FNIP1: variants seen among roughly 807,000 people sequenced by gnomAD.
FNIP1 encodes folliculin interacting protein 1, also known as folliculin-interacting protein 1.
In FNIP1, 40 loss-of-function variants were observed where a neutral mutation model predicts 124.5. That is an observed-to-expected ratio of 0.32 (90% confidence interval 0.25 to 0.42). The LOEUF (loss-of-function observed/expected upper bound fraction) is 0.42, where lower values mean the gene tolerates loss of function less well. Among genes scored for constraint, FNIP1 ranks in the 10% least tolerant of loss-of-function variants. FNIP1 has a pLI of 1.00. For synonymous variants in FNIP1, 472 were observed against 470.6 expected, an observed-to-expected ratio of 1.00 and a Z score of -0.04; for missense variants, 1,176 against 1,403.7, an observed-to-expected ratio of 0.84 and a Z score of 2.59.
intron 1 of FNIP1, among the ~76,000 whole-genome samples, chr5:131,769,000 G>T (rs188508333): frequency 2.6e-3 from 401 of 152,032 alleles, no homozygotes; most frequent in African/African-American, 8.9e-3. Context: ...AAAATAACTG[G>T]ATTATGATCA....
chr5:131,790,559 C>A (rs1280658026), intron 1 of FNIP1, among the ~76,000 whole-genome samples: 1 of 150,246 alleles, frequency 6.7e-6, no homozygotes, highest in Non-Finnish European at 1.5e-5. Context: ...CATACACAAC[C>A]CCTTACGTGA....
intron 1 of FNIP1, among the ~76,000 whole-genome samples, chr5:131,747,607 T>C (rs1301512610): frequency 2.6e-5 from 4 of 152,104 alleles, no homozygotes; most frequent in African/African-American, 9.7e-5. Flanking sequence ...GAAAAAGAAC[T>C]ACCACGGGAG....
chr5:131,734,342 C>T (rs564925713), intron 2 of FNIP1, among the ~76,000 whole-genome samples: 2 of 152,094 alleles, frequency 1.3e-5, no homozygotes, highest in East Asian at 3.8e-4. Flanking sequence ...CTGCTCTGAT[C>T]TTAGTTATTT....
chr5:131,695,742 C>T (rs1768671122), intron 11 of FNIP1, among the ~76,000 whole-genome samples: 1 of 152,168 alleles, frequency 6.6e-6, no homozygotes, highest in Admixed American at 6.5e-5. Flanking sequence ...GCCTGGCCTA[C>T]AGGCCTAAAG....
At chr5:131,756,024 G>T (rs1231447464) in intron 1 of FNIP1, among the ~76,000 whole-genome samples, 1 of 151,258 alleles carries the variant, frequency 6.6e-6, no homozygotes, top group Admixed American at 6.6e-5. Flanking sequence ...AAAAAAAAAA[G>T]GTTAATGAAG....
intron 11 of FNIP1, among the ~76,000 whole-genome samples, chr5:131,697,673 T>C (rs771860567): frequency 1.3e-5 from 2 of 151,848 alleles, no homozygotes; most frequent in Non-Finnish European, 2.9e-5. Flanking sequence ...CTGTAGGTTA[T>C]GTTTACCATA....
intron 15 of FNIP1, among the ~76,000 whole-genome samples, chr5:131,661,494 C>T (rs1372396759): frequency 6.6e-6 from 1 of 152,052 alleles, no homozygotes; most frequent in Non-Finnish European, 1.5e-5. Context: ...AAGATTGAGC[C>T]TTGATAAGTC....
At chr5:131,675,821 T>G (rs2149516571) in intron 13 of FNIP1, among the ~76,000 whole-genome samples, 1 of 152,230 alleles carries the variant, frequency 6.6e-6, no homozygotes. Flanking sequence ...CCATTTTGAT[T>G]GTGGTGATGG....
chr5:131,756,078 A>G (rs1228545631), intron 1 of FNIP1, among the ~76,000 whole-genome samples: 1 of 152,112 alleles, frequency 6.6e-6, no homozygotes, highest in Non-Finnish European at 1.5e-5. Context: ...TTGCAGAAAG[A>G]CCAAAATTTA....
At chr5:131,707,255 G>C (rs1561666141) in intron 8 of FNIP1, among the ~76,000 whole-genome samples, 1 of 152,180 alleles carries the variant, frequency 6.6e-6, no homozygotes, top group Non-Finnish European at 1.5e-5. Flanking sequence ...CATTAGGCTA[G>C]GAGATTTTCA....
rs1767752530 is a variant in FNIP1 at position 131,671,609 on chromosome 5, A to G, written c.2835T>C (p.Asp945=). The G allele has an allele frequency of 1.2e-6, 2 of 1,613,988 alleles. No homozygotes were observed. ...CATGACCTGTATCTTCACTTTCACT[A>G]TCCCCAAGGGCACTGTCTGAACTTT... The part of the protein sequence containing the change: ...RNESSDSALG[D]SESEDTGHDM... Residue 945 remains aspartate (D), a synonymous_variant, in exon 14 of 18, where the codon GAT becomes GAC. Coordinates refer to ENST00000510461, the MANE Select transcript of FNIP1 (RefSeq NM_133372.3).
intron 13 of FNIP1, among the ~76,000 whole-genome samples, chr5:131,673,995 C>T (rs1767841255): frequency 6.6e-6 from 1 of 152,014 alleles, no homozygotes; most frequent in South Asian, 2.1e-4. Flanking sequence ...GAGATGACAC[C>T]ACTGCACTCC....
chr5:131,687,169 A>T (rs1001668195), intron 11 of FNIP1, among the ~76,000 whole-genome samples: 2 of 151,488 alleles, frequency 1.3e-5, no homozygotes, highest in African/African-American at 4.9e-5. Flanking sequence ...GCAATGGCAC[A>T]ATCTCGGCTC....
At chr5:131,662,733 A>ATTTTT (rs34051607) in intron 15 of FNIP1, among the ~76,000 whole-genome samples, 30 of 76,960 alleles carry the variant, frequency 3.9e-4, no homozygotes, top group East Asian at 6.7e-4. Context: ...GATATTCTAG[A>ATTTTT]TTTTTTTTTT....
intron 1 of FNIP1, among the ~76,000 whole-genome samples, chr5:131,775,679 C>T (rs1163670134): frequency 6.6e-6 from 1 of 151,714 alleles, no homozygotes; most frequent in Non-Finnish European, 1.5e-5. Flanking sequence ...AGGCGTCCGC[C>T]ACCACGTCCG....
intron 6 of FNIP1, among the ~76,000 whole-genome samples, chr5:131,714,447 A>G (rs1048272862): frequency 2.0e-5 from 3 of 152,172 alleles, no homozygotes; most frequent in Admixed American, 6.5e-5. Context: ...AAGGACCCGA[A>G]CCAACACACC....
intron 11 of FNIP1, among the ~76,000 whole-genome samples, chr5:131,691,928 GT>G (rs1263757737): frequency 6.6e-6 from 1 of 151,944 alleles, no homozygotes; most frequent in Non-Finnish European, 1.5e-5. Flanking sequence ...GAGACTGGAT[GT>G]TTTTTTTCCT....
intron 13 of FNIP1, among the ~76,000 whole-genome samples, chr5:131,674,089 A>T (rs1405893654): frequency 6.6e-6 from 1 of 152,034 alleles, no homozygotes; most frequent in Non-Finnish European, 1.5e-5. Context: ...AAAGTAAGTC[A>T]TATCTCTGAA....
In FNIP1 at chr5:131,643,775, C is replaced by T. The variant is rs1280174187; in HGVS notation, c.*910G>A. On this transcript the variant is annotated 3_prime_UTR_variant, in exon 18 of 18. Transcript: ENST00000510461. ...AAAGCAAGGGCCTTGGCTACCTGAGCACTTTTAAAGAATATAGTATTGTTT... is the reference window on the plus strand; with the variant it reads ...AAAGCAAGGGCCTTGGCTACCTGAGTACTTTTAAAGAATATAGTATTGTTT... 6.6e-6 allele frequency: 1 copy of T among 152,594 alleles called. No homozygotes were observed. 9.5% of individuals were successfully genotyped at this position (152,594 alleles called of 1,614,324 possible). A position where few individuals can be genotyped will look rare whatever the true frequency, so the allele number is the denominator to read the frequency against.
Sources: gnomAD v4.1 joint callset for allele counts (sites outside exome capture counted in the v4.1 genomes callset) on GRCh38, gnomAD v4.1.1 for gene constraint, MANE v1.5 for transcripts, NCBI Gene and HGNC (gene_info 2026-07-23, HGNC 2026-07-21) for gene names.